DNAH1: variants seen among roughly 807,000 people sequenced by gnomAD.
DNAH1 encodes the protein axonemal beta dynein heavy chain 1.
Under a neutral mutation model 484.3 loss-of-function variants are expected in DNAH1, and 327 were observed. The ratio of observed to expected loss-of-function variants is 0.68; its 90% CI spans 0.62 to 0.74. The LOEUF (loss-of-function observed/expected upper bound fraction) is 0.74. DNAH1 is among the 30% of genes least tolerant of loss of function. The pLI, the probability that DNAH1 is intolerant of heterozygous loss-of-function variation, is 0.00. For synonymous variants in DNAH1, 2,192 were observed against 2,191.9 expected (o/e 1.00, Z 0.00); for missense variants, 5,052 against 5,546.8 (o/e 0.91, Z 2.83).
Position 52,372,227 on chromosome 3 carries a change from G to T in DNAH1, c.6667G>T (p.Val2223Leu). 6.2e-7 allele frequency: 1 copy of T among 1,613,764 alleles called. No homozygotes were observed. Among genetic ancestry groups the T allele is most frequent in the African/African-American group, 1.3e-5 (1 of 75,020 alleles). Residue 2223 changes from valine to leucine, a missense_variant and splice_region_variant, in exon 43 of 78, where the codon GTG becomes TTG. Coordinates refer to ENST00000420323, the MANE Select transcript of DNAH1 (RefSeq NM_015512.5). Reference protein sequence around the residue: ...LDMLLTNKKPVLCIGPTGTGK... With the variant: ...LDMLLTNKKPLLCIGPTGTGK... ...TCCTGTGCCATCCCCGCTCTGCCAG[G>T]TGCTGTGCATTGGGCCAACAGGCAC... is the stretch of plus-strand genomic sequence containing the variant.
chr3:52,372,625 A>AC (rs904913229), intron 43 of DNAH1, among the ~76,000 whole-genome samples: 1 of 152,198 alleles, frequency 6.6e-6, no homozygotes, highest in Non-Finnish European at 1.5e-5. Context: ...GTGCCCTTGG[A>AC]CAGGGCCCTG....
rs762346571 is a variant in DNAH1 at position 52,353,410 on chromosome 3, C to A, written c.3257C>A (p.Ala1086Asp). The change falls in exon 20 of 78, where the codon GCC (alanine) becomes GAC (aspartate). Residue 1086 changes from alanine (A) to aspartate (D), a missense_variant. Transcript: ENST00000420323. The surrounding 1 kb of genome is among the most constrained non-coding windows in gnomAD (Gnocchi z 5.0). ...ACQEVALDIRARIEEFKPYIP... is the reference protein window; with the variant it reads ...ACQEVALDIRDRIEEFKPYIP... The stretch of plus-strand genomic sequence containing the variant: ...CAGGAAGTGGCCTTGGACATCCGGG[C>A]CCGCATCGAGGAGTTCAAACCATAC... 2 of 1,613,114 alleles carry A rather than the reference C, an allele frequency of 1.2e-6. No individual in the cohort carries two copies. The highest frequency in any genetic ancestry group is 4.5e-5 in the East Asian group (2 of 44,862).
rs1416160401 is a variant in DNAH1, at chr3:52,344,582, C to T, written c.1379C>T (p.Ser460Phe). 6.2e-7 allele frequency: 1 copy of T among 1,613,900 alleles called. No homozygotes were observed. Among genetic ancestry groups the T allele is most frequent in the Non-Finnish European group, 8.5e-7 (1 of 1,179,890 alleles). Reference protein sequence around the residue: ...NKINFDHVVSSKPETFSYVTL... With the variant: ...NKINFDHVVSFKPETFSYVTL... ...ATCAACTTTGACCACGTTGTCTCTTCCAAGCCCGAGACCTTCTCCTACGTC... is the reference window on the plus strand; with the variant it reads ...ATCAACTTTGACCACGTTGTCTCTTTCAAGCCCGAGACCTTCTCCTACGTC... The change falls in exon 9 of 78, where the codon TCC becomes TTC. Residue 460 changes from serine (S) to phenylalanine (F), a missense_variant. Transcript: ENST00000420323.
In DNAH1 at chr3:52,361,703, C is replaced by A. The variant is rs1452989238; in HGVS notation, c.4917C>A (p.Asp1639Glu). 5 of 1,611,594 alleles carry A rather than the reference C, an allele frequency of 3.1e-6. No homozygotes were observed. Residue 1639 changes from aspartate (D) to glutamate (E), a missense_variant, in exon 30 of 78, where the codon GAC becomes GAA. By Grantham distance (45) the Asp-to-Glu change is conservative. Around this residue, in one of 4 missense-constraint regions of DNAH1, gnomAD observed 2,929 missense variants for 3,409.4 expected, o/e 0.86. Coordinates refer to ENST00000420323, the MANE Select transcript of DNAH1 (RefSeq NM_015512.5). This position sits in a 1 kb window ranked among gnomAD's most constrained non-coding sequence, Gnocchi z 5.6. Reference protein sequence around the residue: ...WACFDEFNRIDIEVLSVVAQQ... With the variant: ...WACFDEFNRIEIEVLSVVAQQ... ...GCTTCGACGAGTTCAATCGCATCGA[C>A]ATCGAGGTGCTGTCTGTGGTGGCGC...
intron 65 of DNAH1, 149 bp downstream of exon 65, chr3:52,393,174 C>T: frequency 6.3e-6 from 9 of 1,424,578 alleles, no homozygotes; most frequent in Non-Finnish European, 8.7e-6. Flanking sequence ...ACACAGCACG[C>T]CTACCCTCCT....
rs143787705 is a variant in DNAH1 at position 52,398,311 on chromosome 3, C to T, written c.12089+149C>T. ...TTTGTTGTTGTTGTTGACACGGAGT[C>T]TCTCTCTGTTGCCATGCTGGAGTGC... On this transcript the variant is annotated intron_variant, in intron 75 of 77. Transcript: ENST00000420323. 3 of 1,093,844 alleles carry T rather than the reference C, an allele frequency of 2.7e-6. No individual in the cohort carries two copies. The Admixed American group carries it at 9.1e-5, about 33-fold the overall frequency. The allele number at this position is 1,093,844 out of a possible 1,614,324, so 67.8% of individuals were successfully genotyped here. A position where few individuals can be genotyped will look rare whatever the true frequency, so the allele number is the denominator to read the frequency against.
At chr3:52,343,295 C>G (rs982318248) in intron 8 of DNAH1, among the ~76,000 whole-genome samples, 1 of 152,030 alleles carries the variant, frequency 6.6e-6, no homozygotes, top group Non-Finnish European at 1.5e-5. Context: ...GTGGGGACCC[C>G]TGGGAGGGCG....
Position 52,356,608 on chromosome 3 carries a change from C to G in DNAH1, c.3694-6C>G. The G allele has an allele frequency of 6.8e-6, 11 of 1,612,938 alleles. No homozygotes were observed. The highest frequency in any genetic ancestry group is 9.3e-6 in the Non-Finnish European group (11 of 1,179,856). On this transcript the variant is annotated splice_region_variant and splice_polypyrimidine_tract_variant and intron_variant, in intron 21 of 77. Transcript: ENST00000420323. Reference sequence around the variant, plus strand: ...TCACACCCCTCCCTGCCCCTCCCCTCCCCAGGAGGTTCTGGAGGAGTGGCT... The same window carrying G: ...TCACACCCCTCCCTGCCCCTCCCCTGCCCAGGAGGTTCTGGAGGAGTGGCT...
chr3:52,322,543 T>G lies in DNAH1; in HGVS notation c.101T>G (p.Leu34Arg), dbSNP rs1701185535. 1 of 1,613,706 alleles carries G rather than the reference T, an allele frequency of 6.2e-7. No homozygotes were observed. The highest frequency in any genetic ancestry group is 8.5e-7 in the Non-Finnish European group (1 of 1,179,826). ...GTCCAAGTGGGGACCCACAGGGGCC[T>G]AGAGTATAACCCGGGGAAGATTCTT... ...PAVQVGTHRG[L>R]EYNPGKILPG... is the part of the protein sequence containing the mutation. Residue 34 changes from leucine to arginine, a missense_variant, in exon 2 of 78, where the codon CTA becomes CGA. Coordinates refer to ENST00000420323, the MANE Select transcript of DNAH1 (RefSeq NM_015512.5).
At chr3:52,349,844 C>A in intron 14 of DNAH1, 145 bp from the exon 15 acceptor site, 1 of 1,215,554 alleles carries the variant, frequency 8.2e-7, no homozygotes, top group Non-Finnish European at 1.1e-6. Context: ...CCACCAGGAG[C>A]ACCCCTCTTG....
chr3:52,383,247 T>C, intron 50 of DNAH1, 139 bp from the exon 51 acceptor site: 2 of 741,962 alleles, frequency 2.7e-6, no homozygotes, highest in Non-Finnish European at 4.5e-6. Flanking sequence ...TGTTATGAGG[T>C]CACTTTTGTG....
intron 70 of DNAH1, among the ~76,000 whole-genome samples, 152 bp from the exon 71 acceptor site, chr3:52,396,215 GA>G (rs1458319378): frequency 6.6e-6 from 1 of 152,114 alleles, no homozygotes; most frequent in African/African-American, 2.4e-5. Context: ...TTACAGACGT[GA>G]GCCACCGCGC....
chr3:52,383,819 G>T, intron 51 of DNAH1, 41 bp from the exon 52 acceptor site: 1 of 1,542,656 alleles, frequency 6.5e-7, no homozygotes, highest in African/African-American at 1.4e-5. Context: ...GGGGTCGTTG[G>T]TCAGTGTCTC....
intron 66 of DNAH1, 39 bp from the exon 67 acceptor site, chr3:52,394,426 C>T (rs1232743937): frequency 2.5e-6 from 4 of 1,603,114 alleles, no homozygotes; most frequent in African/African-American, 1.3e-5. Context: ...GAGGAGCTGG[C>T]CAGGGCCTGG....
At chr3:52,321,206 T>G (rs1701135658) in intron 1 of DNAH1, among the ~76,000 whole-genome samples, 1 of 151,906 alleles carries the variant, frequency 6.6e-6, no homozygotes, top group African/African-American at 2.4e-5. Context: ...AACCTCTGCC[T>G]CCCGGGTTCA....
chr3:52,377,627 C>T (rs955305325), intron 46 of DNAH1, among the ~76,000 whole-genome samples: 3 of 152,098 alleles, frequency 2.0e-5, no homozygotes, highest in Non-Finnish European at 4.4e-5. Context: ...TCCTGCTCAT[C>T]CCCTCATTGC....
At chr3:52,391,084 C>A in intron 61 of DNAH1, 30 bp downstream of exon 61, 1 of 1,586,116 alleles carries the variant, frequency 6.3e-7, no homozygotes. Flanking sequence ...ACCACCACCC[C>A]ACCCCAGCCA....
At chr3:52,324,312 AG>A (rs1243005716) in intron 3 of DNAH1, among the ~76,000 whole-genome samples, 3 of 152,154 alleles carry the variant, frequency 2.0e-5, no homozygotes, top group Non-Finnish European at 4.4e-5. Context: ...GAAGGAGGAA[AG>A]GGGGACTCTC....
rs778863439 is a variant in DNAH1, at chr3:52,332,399, G to A, written c.1286+5G>A. The A allele has an allele frequency of 2.5e-6, 4 of 1,610,924 alleles. No homozygotes were observed. Among genetic ancestry groups the A allele is most frequent in the Non-Finnish European group, 3.4e-6 (4 of 1,179,124 alleles). On this transcript the variant is annotated splice_donor_5th_base_variant and intron_variant, in intron 8 of 77. Coordinates refer to ENST00000420323, the MANE Select transcript of DNAH1 (RefSeq NM_015512.5). ...TCGGATGCGCAAAGGCCCCTCGTGA[G>A]TCCCCGCTCGGCCTTCCCTATTCTG...
Sources: allele counts gnomAD v4.1 joint callset (sites outside exome capture counted in the v4.1 genomes callset), GRCh38; gene constraint gnomAD v4.1.1; regional missense constraint gnomAD v4.1.1; non-coding constraint Gnocchi (gnomAD v3.1); transcripts MANE v1.5; gene names NCBI Gene and HGNC (gene_info 2026-07-23, HGNC 2026-07-21).